The following MRPL39 variants were observed in gnomAD, a reference collection of about 807,000 sequenced individuals.
The protein encoded by MRPL39 is mitochondrial ribosomal protein L39.
MRPL39 carries 35 observed loss-of-function variants against 44.5 expected under a neutral mutation model. That is an observed-to-expected ratio of 0.79 (90% CI 0.60 to 1.04). The LOEUF is 1.04. MRPL39 is among the 50% of genes least tolerant of loss of function. MRPL39 has a pLI of 0.00. For missense variants in MRPL39, 433 were observed against 413.5 expected (o/e 1.05, Z -0.41); for synonymous variants, 139 against 136.1 (o/e 1.02, Z -0.15).
intron 9 of MRPL39, chr21:25,587,828 G>T: frequency 6.9e-7 from 1 of 1,456,586 alleles, no homozygotes; most frequent in African/African-American, 1.4e-5. Context: ...AAGCAAACTT[G>T]AAAATAAGTT....
At chr21:25,589,033 A>C (rs1166283656) in intron 8 of MRPL39, 151 bp from the exon 9 acceptor site, 12 of 610,332 alleles carry the variant, frequency 2.0e-5, no homozygotes, top group Non-Finnish European at 3.0e-5. Flanking sequence ...TCATAGTAGC[A>C]AAAAAAGGTG....
intron 5 of MRPL39, among the ~76,000 whole-genome samples, chr21:25,597,984 G>A (rs1432552641): frequency 6.6e-6 from 1 of 152,074 alleles, no homozygotes; most frequent in Non-Finnish European, 1.5e-5. Flanking sequence ...TTAACAATGT[G>A]TTTAAGATTT....
chr21:25,601,552 C>G (rs1009081624), intron 3 of MRPL39, 85 bp from the exon 4 acceptor site: 11 of 853,780 alleles, frequency 1.3e-5, no homozygotes, highest in Non-Finnish European at 1.9e-5. Context: ...TTTAAGTGAA[C>G]TTCTGACTTA....
Position 25,599,802 on chromosome 21 carries a change from T to G in MRPL39, c.585A>C (p.Thr195=). The G allele has an allele frequency of 6.2e-7, 1 of 1,609,864 alleles. No homozygotes were observed. Among genetic ancestry groups the G allele is most frequent in the Non-Finnish European group, 8.5e-7 (1 of 1,176,364 alleles). The change falls in exon 5 of 10, where the codon ACA becomes ACC. Residue 195 remains threonine, a synonymous_variant. Coordinates refer to ENST00000352957, the MANE Select transcript of MRPL39 (RefSeq NM_017446.4). The stretch of plus-strand genomic sequence containing the variant: ...TACTCCAGAAGAATACACTTACTTT[T>G]GTTGGCATCCACTCATCAAGTTTGC... ...LDSKLDEWMP[T]KENLRSFTKD...
At chr21:25,599,981 T>C in intron 4 of MRPL39, 115 bp from the exon 5 acceptor site, 1 of 728,002 alleles carries the variant, frequency 1.4e-6, no homozygotes, top group Non-Finnish European at 2.3e-6. Context: ...CTCCCAACTC[T>C]ACAAATTATA....
chr21:25,595,811 CATATT>C (rs2031337713), intron 6 of MRPL39, among the ~76,000 whole-genome samples: 1 of 152,040 alleles, frequency 6.6e-6, no homozygotes, highest in Non-Finnish European at 1.5e-5. Flanking sequence ...ACAGATGTCT[CATATT>C]ATATTTCTTT....
chr21:25,592,143 A>G (rs2031197644), intron 8 of MRPL39, among the ~76,000 whole-genome samples: 1 of 152,230 alleles, frequency 6.6e-6, no homozygotes, highest in Admixed American at 6.5e-5. Context: ...ACAGATAAGT[A>G]GTTGGCAGGG....
rs924162435 is a variant in MRPL39 at position 25,592,542 on chromosome 21, A to AC, written c.921+269dup. ...AAGTCTTACCAATACGCACTCTAAT[A>AC]CCCCCTCTGTCAATGTACCCTCACC... On this transcript the variant is annotated intron_variant, in intron 8 of 9. Coordinates refer to ENST00000352957, the MANE Select transcript of MRPL39 (RefSeq NM_017446.4). Among the ~76,000 whole-genome samples the AC allele has an allele frequency of 3.3e-3, 504 of 152,134 alleles. 3 individuals carry two copies. Among genetic ancestry groups the AC allele is most frequent in the African/African-American group, 0.012 (482 of 41,484 alleles).
At chr21:25,593,011 T>C in intron 7 of MRPL39, 46 bp from the exon 8 acceptor site, 3 of 1,487,030 alleles carry the variant, frequency 2.0e-6, no homozygotes, top group Non-Finnish European at 2.7e-6. Context: ...CATCAAATAA[T>C]TTGTAAGAGC....
Position 25,601,356 on chromosome 21 carries a change from T to TTATAC in MRPL39, c.520+11_520+12insGTATA, listed in dbSNP as rs751830232. 1.1e-6 allele frequency: 1 copy of TTATAC among 928,610 alleles called. No homozygotes were observed. The highest frequency in any genetic ancestry group is 1.6e-6 in the Non-Finnish European group (1 of 629,788). The allele number at this position is 928,610 out of a possible 1,614,324, so 57.5% of individuals were successfully genotyped here. On this transcript the variant is annotated intron_variant, in intron 4 of 9. Coordinates refer to ENST00000352957, the MANE Select transcript of MRPL39 (RefSeq NM_017446.4). Reference sequence around the variant, plus strand: ...TTTAAGGATCACAAAAAGACATATATGTATACACTACCAGGAACTTCTGGA... The same window carrying TTATAC: ...TTTAAGGATCACAAAAAGACATATATTATACGTATACACTACCAGGAACTTCTGGA...
intron 6 of MRPL39, among the ~76,000 whole-genome samples, chr21:25,594,830 C>A (rs1208338272): frequency 6.6e-6 from 1 of 152,100 alleles, no homozygotes; most frequent in Non-Finnish European, 1.5e-5. Context: ...CTGAAATTTG[C>A]AAACTGCACA....
intron 9 of MRPL39, among the ~76,000 whole-genome samples, chr21:25,587,005 T>C (rs548681849): frequency 1.3e-5 from 2 of 152,338 alleles, no homozygotes; most frequent in Admixed American, 1.3e-4. Flanking sequence ...AAACAATCAG[T>C]AAGTCTGTGT....
rs756456682 is a variant in MRPL39, at chr21:25,606,598, C to T, written c.131G>A (p.Arg44Gln). ...QLSPTELTEM[R>Q]NDLFNKEKAR... Reference sequence around the variant, plus strand: ...TTTCTCTTTATTAAAGAGATCATTCCGCATTTCTGTCAATTCTGTCGGTGA... The same window carrying T: ...TTTCTCTTTATTAAAGAGATCATTCTGCATTTCTGTCAATTCTGTCGGTGA... The change falls in exon 2 of 10, where the codon CGG becomes CAG. Residue 44 changes from arginine to glutamine, a missense_variant. Arg to Gln is a conservative substitution (Grantham distance 43). Coordinates refer to ENST00000352957, the MANE Select transcript of MRPL39 (RefSeq NM_017446.4). The T allele has an allele frequency of 3.1e-6, 5 of 1,613,804 alleles. No individual in the cohort carries two copies. The South Asian group carries it at 4.4e-5, about 14-fold the overall frequency.
chr21:25,593,054 C>G, intron 7 of MRPL39, 89 bp from the exon 8 acceptor site: 7 of 1,135,332 alleles, frequency 6.2e-6, no homozygotes, highest in Non-Finnish European at 7.4e-6. Flanking sequence ...CTCTTTGCTG[C>G]TAACATCCCT....
chr21:25,599,634 A>C (rs879851131), intron 5 of MRPL39, among the ~76,000 whole-genome samples, 165 bp downstream of exon 5: 1 of 129,412 alleles, frequency 7.7e-6, no homozygotes, highest in Non-Finnish European at 1.5e-5. Flanking sequence ...ACACCAATAG[A>C]TAGATAGATA....
chr21:25,607,499 G>C (rs765422382), upstream of MRPL39: 4 of 1,607,116 alleles, frequency 2.5e-6, no homozygotes, highest in Non-Finnish European at 3.4e-6. Flanking sequence ...ACCGTCGCGC[G>C]CAAGTCCTTC....
intron 5 of MRPL39, among the ~76,000 whole-genome samples, chr21:25,599,325 G>A (rs564386962): frequency 6.6e-6 from 1 of 152,262 alleles, no homozygotes; most frequent in African/African-American, 2.4e-5. Flanking sequence ...TGTGACCCTT[G>A]TATATACAGG....
chr21:25,600,981 G>A (rs1321651593), intron 4 of MRPL39, among the ~76,000 whole-genome samples: 14 of 152,060 alleles, frequency 9.2e-5, no homozygotes, highest in Admixed American at 3.3e-4. Context: ...GGTGGCGCGC[G>A]CCTGTAGACC....
At chr21:25,602,574 A>G (rs2031552806) in intron 3 of MRPL39, among the ~76,000 whole-genome samples, 2 of 152,208 alleles carry the variant, frequency 1.3e-5, no homozygotes, top group African/African-American at 4.8e-5. Context: ...ATCAAGAACT[A>G]GGTCCAATAA....
Sources: gnomAD v4.1 joint callset for allele counts (sites outside exome capture counted in the v4.1 genomes callset) on GRCh38, gnomAD v4.1.1 for gene constraint, MANE v1.5 for transcripts, NCBI Gene and HGNC (gene_info 2026-07-23, HGNC 2026-07-21) for gene names.